Variants in MRPL16 observed in about 807,000 individuals in gnomAD.
The protein encoded by MRPL16 is mitochondrial ribosomal protein L16, also known as large ribosomal subunit protein uL16m.
Under a neutral mutation model 22.7 loss-of-function variants are expected in MRPL16, and 17 were observed. The ratio of observed to expected loss-of-function variants is 0.75; its 90% CI spans 0.51 to 1.12. MRPL16 has a LOEUF of 1.12. Among genes scored for constraint, MRPL16 ranks in the 50% most tolerant of loss-of-function variants. MRPL16 has a pLI of 0.00. For synonymous variants in MRPL16, 103 were observed against 112.8 expected (o/e 0.91, Z 0.55); for missense variants, 316 against 328.7 (o/e 0.96, Z 0.30).
chr11:59,806,449 T>C lies in MRPL16; in HGVS notation c.654A>G (p.Ile218Met), dbSNP rs778217090. The C allele has an allele frequency of 5.3e-5, 86 of 1,614,134 alleles. No individual in the cohort carries two copies. Among genetic ancestry groups the C allele is most frequent in the Non-Finnish European group, 6.9e-5 (82 of 1,180,050 alleles). Residue 218 changes from isoleucine (I) to methionine (M), a missense_variant, in exon 4 of 4, where the codon ATA (isoleucine) becomes ATG (methionine). By Grantham distance (10) the Ile-to-Met change is conservative (BLOSUM62 1). Transcript: ENST00000300151. Reference sequence around the variant, plus strand: ...GTATGCCCAGCATGTTGGCAGTGGCTATTCGCTCAAATGTCCAGGGGTTCT... The same window carrying C: ...GTATGCCCAGCATGTTGGCAGTGGCCATTCGCTCAAATGTCCAGGGGTTCT... ...NNQNPWTFERIATANMLGIRK... is the reference protein window; with the variant it reads ...NNQNPWTFERMATANMLGIRK...
chr11:59,810,473 C>A, intron 1 of MRPL16, 131 bp downstream of exon 1: 1 of 1,501,182 alleles, frequency 6.7e-7, no homozygotes, highest in Non-Finnish European at 9.0e-7. Context: ...GTCGGCGGTG[C>A]GATAGCGTAG....
rs1050618130 is a variant in MRPL16 at position 59,809,549 on chromosome 11, A to G, written c.121+306T>C. Reference sequence around the variant, plus strand: ...CGTGAGCCACCATGCCCGCTCAAAAATCCAGATTTCAGGCCAATGACTACT... The same window carrying G: ...CGTGAGCCACCATGCCCGCTCAAAAGTCCAGATTTCAGGCCAATGACTACT... On this transcript the variant is annotated intron_variant, in intron 2 of 3. Transcript: ENST00000300151. The G allele has an allele frequency of 2.5e-4, 77 of 313,966 alleles. 1 individual carries two copies. In the Admixed American group the frequency reaches 3.3e-3, roughly 14 times the overall value. The allele number at this position is 313,966 out of a possible 1,614,324, so 19.4% of individuals were successfully genotyped here.
Position 59,806,679 on chromosome 11 carries a change from C to T in MRPL16, c.424G>A (p.Gly142Arg), listed in dbSNP as rs1866100386. The change falls in exon 4 of 4, where the codon GGA becomes AGA. Residue 142 changes from glycine to arginine, a missense_variant. Physicochemically the swap from Gly to Arg is moderately radical, Grantham distance 125. Transcript: ENST00000300151. The stretch of plus-strand genomic sequence containing the variant: ...TAGTGGTCAATAGCACCTTTGCCTC[C>T]CCCCATGCGATGCCCAACACTTTTG... The part of the protein sequence containing the change: ...TRKSVGHRMG[G>R]GKGAIDHYVT... The T allele has an allele frequency of 2.5e-6, 4 of 1,614,062 alleles. No homozygotes were observed. The highest frequency in any genetic ancestry group is 2.2e-5 in the East Asian group (1 of 44,894).
intron 2 of MRPL16, among the ~76,000 whole-genome samples, chr11:59,808,158 T>C (rs746958486): frequency 7.2e-5 from 11 of 152,224 alleles, no homozygotes; most frequent in Admixed American, 2.0e-4. Flanking sequence ...TTAGTGACAC[T>C]GGAATCTTCT....
rs570929458 is a variant in MRPL16, at chr11:59,807,116, A to G, written c.271-284T>C. ...GGGAAAAGAGAGGAGTGTGCCAGGC[A>G]TAAGAAAGGCTTATGTGGAGGCCCT... On this transcript the variant is annotated intron_variant, in intron 3 of 3. Transcript: ENST00000300151. 1.3e-5 allele frequency: 5 copies of G among 386,350 alleles called. 1 individual carries two copies. The Middle Eastern group carries it at 2.2e-3, about 174-fold the overall frequency. The allele number at this position is 386,350 out of a possible 1,614,324, so 23.9% of individuals were successfully genotyped here. A position where few individuals can be genotyped will look rare whatever the true frequency, so the allele number is the denominator to read the frequency against.
intron 2 of MRPL16, 73 bp downstream of exon 2, chr11:59,809,782 T>A: frequency 7.6e-7 from 1 of 1,322,064 alleles, no homozygotes; most frequent in Non-Finnish European, 1.1e-6. Flanking sequence ...AGAACATTCC[T>A]ATGTCATCTC....
chr11:59,810,177 T>C, intron 1 of MRPL16: 1 of 754,650 alleles, frequency 1.3e-6, no homozygotes, highest in Non-Finnish European at 1.8e-6. Context: ...AGCTAATTTT[T>C]TTTGTATTTT....
At chr11:59,808,973 A>G (rs996403883) in intron 2 of MRPL16, 1 of 152,260 alleles carries the variant, frequency 6.6e-6, no homozygotes, top group Admixed American at 6.5e-5. Context: ...AATACAAAAT[A>G]GAAGAGTTTG....
intron 2 of MRPL16, among the ~76,000 whole-genome samples, chr11:59,808,106 G>C (rs550568857): frequency 1.3e-5 from 2 of 152,256 alleles, no homozygotes; most frequent in South Asian, 4.1e-4. Flanking sequence ...AGTTACCACT[G>C]AACAGTAACT....
intron 2 of MRPL16, among the ~76,000 whole-genome samples, chr11:59,808,065 C>T (rs1022169601): frequency 6.6e-5 from 10 of 152,212 alleles, no homozygotes; most frequent in East Asian, 3.9e-4. Flanking sequence ...ATTACAAGTG[C>T]GAGCCACCAT....
At chr11:59,807,470 C>T in intron 3 of MRPL16, 1 of 350,240 alleles carries the variant, frequency 2.9e-6, no homozygotes, top group Non-Finnish European at 5.1e-6. Context: ...CATTAGCTAG[C>T]CCCTTCCTTC....
At chr11:59,810,547 T>C in intron 1 of MRPL16, 57 bp downstream of exon 1, 1 of 1,609,934 alleles carries the variant, frequency 6.2e-7, no homozygotes, top group Non-Finnish European at 8.5e-7. Flanking sequence ...GAAAAAGCAC[T>C]GGAGGGTGGG....
chr11:59,810,086 A>G, intron 1 of MRPL16, 166 bp from the exon 2 acceptor site: 1 of 636,720 alleles, frequency 1.6e-6, no homozygotes, highest in Non-Finnish European at 2.5e-6. Context: ...GCTCACTGCA[A>G]CCTCCGCCTC....
rs1866095859 is a variant in MRPL16, at chr11:59,806,557, C to A, written c.546G>T (p.Lys182Asn). ...TCACAGCCTTTGCTGCGAAGGGCAACTTGTGGGCAACCTGGTCAAGGAAAC... is the reference window on the plus strand; with the variant it reads ...TCACAGCCTTTGCTGCGAAGGGCAAATTGTGGGCAACCTGGTCAAGGAAAC... ...VQGFLDQVAH[K>N]LPFAAKAVSR... is the part of the protein sequence containing the mutation. Residue 182 changes from lysine (K) to asparagine (N), a missense_variant, in exon 4 of 4, where the codon AAG (lysine) becomes AAT (asparagine). Coordinates refer to ENST00000300151, the MANE Select transcript of MRPL16 (RefSeq NM_017840.4). The A allele has an allele frequency of 6.2e-7, 1 of 1,614,130 alleles. No homozygotes were observed. The highest frequency in any genetic ancestry group is 1.7e-5 in the Admixed American group (1 of 60,002).
Position 59,806,543 on chromosome 11 carries a change from G to C in MRPL16, c.560C>G (p.Ala187Gly). 6.2e-7 allele frequency: 1 copy of C among 1,614,230 alleles called. No homozygotes were observed. Among genetic ancestry groups the C allele is most frequent in the Non-Finnish European group, 8.5e-7 (1 of 1,180,046 alleles). ...DQVAHKLPFA[A>G]KAVSRGTLEK... ...TAGAGTCCCGCGGCTCACAGCCTTT[G>C]CTGCGAAGGGCAACTTGTGGGCAAC... The change falls in exon 4 of 4, where the codon GCA becomes GGA. Residue 187 changes from alanine (A) to glycine (G), a missense_variant. Transcript: ENST00000300151.
In MRPL16 at chr11:59,810,716, CCAGGTAAG is replaced by C; in HGVS notation, c.-66_-59del. 1.2e-6 allele frequency: 2 copies of C among 1,603,964 alleles called. No individual in the cohort carries two copies. The highest frequency in any genetic ancestry group is 1.7e-6 in the Non-Finnish European group (2 of 1,171,994). The stretch of plus-strand genomic sequence containing the variant: ...CAGCGACTCCGGCTGTCTCCTGCAC[CCAGGTAAG>C]CAGCGGCGCTCCACTACCTAGCTGT... On this transcript the variant is annotated 5_prime_UTR_variant, in exon 1 of 4. Coordinates refer to ENST00000300151, the MANE Select transcript of MRPL16 (RefSeq NM_017840.4).
intron 2 of MRPL16, chr11:59,808,950 T>C (rs1440135743): frequency 1.3e-5 from 2 of 152,244 alleles, no homozygotes; most frequent in African/African-American, 2.4e-5. Context: ...AGTATGGCTT[T>C]ATAATGGAGA....
chr11:59,806,954 C>A (rs981583941), intron 3 of MRPL16, 122 bp from the exon 4 acceptor site: 1 of 1,367,990 alleles, frequency 7.3e-7, no homozygotes, highest in Admixed American at 2.5e-5. Flanking sequence ...AATCTAAGTT[C>A]TAATAAGTCC....
chr11:59,810,603 C>T lies in MRPL16; in HGVS notation c.55+1G>A, dbSNP rs763458806. 2 of 1,614,146 alleles carry T rather than the reference C, an allele frequency of 1.2e-6. No individual in the cohort carries two copies. The highest frequency in any genetic ancestry group is 1.7e-6 in the Non-Finnish European group (2 of 1,179,980). ...TTTAGGAACCAAAAGGGACTTCTGA[C>T]CTGACAAGGGCACCCGCAGGAGCGG... is the stretch of plus-strand genomic sequence containing the variant. On this transcript the variant is annotated splice_donor_variant, in intron 1 of 3. Transcript: ENST00000300151. LOFTEE classifies it high-confidence loss of function.
Sources: gnomAD v4.1 joint callset for allele counts (sites outside exome capture counted in the v4.1 genomes callset) on GRCh38, gnomAD v4.1.1 for gene constraint, MANE v1.5 for transcripts, NCBI Gene and HGNC (gene_info 2026-07-23, HGNC 2026-07-21) for gene names.